Variants in EPS15 observed in about 807,000 individuals in gnomAD.
The protein encoded by EPS15 is epidermal growth factor receptor pathway substrate 15.
Under a neutral mutation model 113.8 loss-of-function variants are expected in EPS15, and 72 were observed. The observed-to-expected ratio is 0.63, with a 90% confidence interval of 0.52 to 0.77. The LOEUF is 0.77. Ranked by LOEUF, EPS15 falls within the 30% of genes least tolerant of loss-of-function variation. The pLI is 0.00. For synonymous variants in EPS15, 344 were observed against 363.4 expected, an observed-to-expected ratio of 0.95 and a Z score of 0.61; for missense variants, 1,048 against 1,045.8, an observed-to-expected ratio of 1.00 and a Z score of -0.03.
At chr1:51,490,290 G>A in intron 1 of EPS15, 1 of 447,970 alleles carries the variant, frequency 2.2e-6, no homozygotes, top group South Asian at 1.6e-5. Flanking sequence ...GGAAGGCCAG[G>A]CATGGTGGCT....
At chr1:51,401,425 TG>T (rs540551451) in intron 18 of EPS15, among the ~76,000 whole-genome samples, 380 of 152,302 alleles carry the variant, frequency 2.5e-3, no homozygotes, top group African/African-American at 9.0e-3. Context: ...GATATCCACT[TG>T]CAAAAGAATG....
intron 1 of EPS15, among the ~76,000 whole-genome samples, chr1:51,500,198 A>T (rs72691893): frequency 0.03 from 4,577 of 152,300 alleles, 75 homozygotes; most frequent in African/African-American, 0.05. Flanking sequence ...CATCTGTCAA[A>T]GGATACTTGA....
At chr1:51,494,801 T>C (rs755192086) in intron 1 of EPS15, among the ~76,000 whole-genome samples, 2 of 152,222 alleles carry the variant, frequency 1.3e-5, no homozygotes, top group Non-Finnish European at 2.9e-5. Flanking sequence ...TTTCCCTTTT[T>C]ATAAGGATGC....
intron 8 of EPS15, chr1:51,458,819 C>T (rs6674976): frequency 0.051 from 9,621 of 187,648 alleles, 964 homozygotes; most frequent in African/African-American, 0.21. Context: ...AATATTCTTA[C>T]CACAAAAACC....
Position 51,446,954 on chromosome 1 carries a change from T to C in EPS15, c.797+6A>G, listed in dbSNP as rs777049547. On this transcript the variant is annotated splice_donor_region_variant and intron_variant, in intron 10 of 24. Coordinates refer to ENST00000371733, the MANE Select transcript of EPS15 (RefSeq NM_001981.3). ...TTTTAAAAAATCAATTCAAATAAAG[T>C]CTTACCATATATGGGCTAGTAAGGT... 3 of 1,588,706 alleles carry C rather than the reference T, an allele frequency of 1.9e-6. No individual in the cohort carries two copies. In the East Asian group the frequency reaches 6.7e-5, roughly 36 times the overall value.
rs530944695 is a variant in EPS15, at chr1:51,491,484, T to C, written c.34-10170A>G. ...ACATTTAGAAGCTTTTGATAGGCTA[T>C]CCATATCTAGAAAAGGCTTGTATAT... On this transcript the variant is annotated intron_variant, in intron 1 of 24. Transcript: ENST00000371733. 1.1e-4 allele frequency among the ~76,000 whole-genome samples: 16 copies of C among 152,220 alleles called. 1 individual carries two copies. In the South Asian group the frequency reaches 3.3e-3, roughly 32 times the overall value.
chr1:51,508,300 G>GAA (rs1557536855), intron 1 of EPS15, among the ~76,000 whole-genome samples: 5 of 127,722 alleles, frequency 3.9e-5, no homozygotes, highest in African/African-American at 1.1e-4. Context: ...AAGAGAGAGA[G>GAA]AGAAAGAGAG....
intron 1 of EPS15, among the ~76,000 whole-genome samples, chr1:51,495,132 A>C (rs1644302367): frequency 6.6e-6 from 1 of 152,220 alleles, no homozygotes; most frequent in South Asian, 2.1e-4. Flanking sequence ...AATTTGCCTT[A>C]GAATGGAGCC....
chr1:51,363,589 C>A (rs1217057063), intron 23 of EPS15, among the ~76,000 whole-genome samples: 1 of 152,006 alleles, frequency 6.6e-6, no homozygotes, highest in Admixed American at 6.6e-5. Context: ...TGACACTTTC[C>A]CTTTTCCATT....
intron 23 of EPS15, 22 bp downstream of exon 23, chr1:51,363,844 A>G (rs770489962): frequency 2.1e-5 from 34 of 1,592,622 alleles, no homozygotes; most frequent in Non-Finnish European, 2.9e-5. Flanking sequence ...AGTTGACTGA[A>G]GAAAAGTACC....
chr1:51,406,097 T>C lies in EPS15; in HGVS notation c.1485A>G (p.Lys495=), dbSNP rs1649102597. 6.2e-7 allele frequency: 1 copy of C among 1,613,180 alleles called. No homozygotes were observed. The highest frequency in any genetic ancestry group is 8.5e-7 in the Non-Finnish European group (1 of 1,179,738). The change falls in exon 16 of 25, where the codon AAA becomes AAG. Residue 495 remains lysine (K), a synonymous_variant. Transcript: ENST00000371733. ...SQQEISSMQM[K]LMEMKDLENH... ...TTTCCAAATCTTTCATTTCCATCAGTTTCATTTGCATCTGCCAACACAAAG... is the reference window on the plus strand; with the variant it reads ...TTTCCAAATCTTTCATTTCCATCAGCTTCATTTGCATCTGCCAACACAAAG...
chr1:51,481,426 C>A, intron 1 of EPS15, 112 bp from the exon 2 acceptor site: 1 of 649,924 alleles, frequency 1.5e-6, no homozygotes. Flanking sequence ...ATAAAATATC[C>A]TTGATTTCAG....
intron 1 of EPS15, among the ~76,000 whole-genome samples, chr1:51,497,691 T>A (rs1210900101): frequency 1.3e-5 from 2 of 152,108 alleles, no homozygotes; most frequent in African/African-American, 4.8e-5. Flanking sequence ...CCACTTAAAA[T>A]TTTAGTGTGA....
chr1:51,475,106 A>G (rs1655567624), intron 2 of EPS15, among the ~76,000 whole-genome samples: 1 of 152,018 alleles, frequency 6.6e-6, no homozygotes, highest in South Asian at 2.1e-4. Context: ...GTTGGTTCCA[A>G]GTCTTTGCTA....
chr1:51,357,264 C>T (rs755061085), intron 24 of EPS15, among the ~76,000 whole-genome samples: 1 of 149,878 alleles, frequency 6.7e-6, no homozygotes, highest in Non-Finnish European at 1.5e-5. Context: ...GTAATCCCAG[C>T]TACTTGGGAG....
intron 1 of EPS15, among the ~76,000 whole-genome samples, chr1:51,515,980 G>C (rs1644708979): frequency 6.6e-6 from 1 of 152,124 alleles, no homozygotes. Context: ...ATGGGCGTTA[G>C]GGAGTAAAAC....
chr1:51,509,056 G>C (rs1421877907), intron 1 of EPS15, among the ~76,000 whole-genome samples: 1 of 151,986 alleles, frequency 6.6e-6, no homozygotes, highest in Non-Finnish European at 1.5e-5. Flanking sequence ...CTTTATCACA[G>C]TACTTGTCAC....
intron 21 of EPS15, among the ~76,000 whole-genome samples, chr1:51,374,514 G>C (rs915183595): frequency 6.6e-5 from 10 of 152,090 alleles, no homozygotes; most frequent in Non-Finnish European, 1.3e-4. Flanking sequence ...TGAGGCAGGA[G>C]AATCGCTTGA....
chr1:51,401,142 A>G (rs1648511916), intron 18 of EPS15, 189 bp from the exon 19 acceptor site: 1 of 441,168 alleles, frequency 2.3e-6, no homozygotes, highest in East Asian at 3.7e-5. Context: ...CTTGATCACA[A>G]GTTGAGGTTA....
Sources: gnomAD v4.1 joint callset for allele counts (sites outside exome capture counted in the v4.1 genomes callset) on GRCh38, gnomAD v4.1.1 for gene constraint, MANE v1.5 for transcripts, NCBI Gene and HGNC (gene_info 2026-07-23, HGNC 2026-07-21) for gene names.